The following GNG12 variants were observed in gnomAD, a reference collection of about 807,000 sequenced individuals.
GNG12 encodes the protein G protein subunit gamma 12, also known as guanine nucleotide-binding protein G(I)/G(S)/G(O) subunit gamma-12.
For synonymous variants in GNG12, 28 were observed against 29.7 expected, an observed-to-expected ratio of 0.94 and a Z score of 0.19; for missense variants, 69 against 83.8, an observed-to-expected ratio of 0.82 and a Z score of 0.69.
Position 67,833,375 on chromosome 1 carries a change from G to A in GNG12, c.-108C>T. 4.1e-6 allele frequency: 4 copies of A among 985,418 alleles called. No homozygotes were observed. Among genetic ancestry groups the A allele is most frequent in the Non-Finnish European group, 3.6e-6 (3 of 829,992 alleles). The allele number at this position is 985,418 out of a possible 1,614,324, so 61.0% of individuals were successfully genotyped here. A position where few individuals can be genotyped will look rare whatever the true frequency, so the allele number is the denominator to read the frequency against. ...GCCGGTGCGCTGCCCCGCCGTCGCCGCCGGGACTCGGTCTCTAAGGGCTCC... is the reference window on the plus strand; with the variant it reads ...GCCGGTGCGCTGCCCCGCCGTCGCCACCGGGACTCGGTCTCTAAGGGCTCC... On this transcript the variant is annotated 5_prime_UTR_variant, in exon 1 of 4. Transcript: ENST00000370982.
chr1:67,826,849 C>G (rs967730119), intron 1 of GNG12, among the ~76,000 whole-genome samples: 1 of 152,144 alleles, frequency 6.6e-6, no homozygotes, highest in Non-Finnish European at 1.5e-5. Context: ...TTTATCCCCC[C>G]AAAACAACAC....
At chr1:67,763,090 G>GGAGAGAGAGAGAGAGA (rs71064962) in intron 2 of GNG12, among the ~76,000 whole-genome samples, 12,937 of 116,424 alleles carry the variant, frequency 0.11, 1,000 homozygotes, top group Non-Finnish European at 0.13. Flanking sequence ...TACCCTCCCA[G>GGAGAGAGAGAGAGAGA]GAGAGAGAGA....
chr1:67,709,842 G>GTATATATATTTATATATATATAGTTA (rs1646271430), intron 2 of GNG12, among the ~76,000 whole-genome samples: 1 of 115,368 alleles, frequency 8.7e-6, no homozygotes, highest in Non-Finnish European at 1.7e-5. Context: ...ATATATATTT[G>GTATATATATTTATATATATATAGTTA]TATATATATT....
intron 2 of GNG12, among the ~76,000 whole-genome samples, chr1:67,743,941 G>A (rs943698828): frequency 4.6e-5 from 7 of 152,166 alleles, no homozygotes; most frequent in African/African-American, 9.7e-5. Flanking sequence ...TGCTGAAAAC[G>A]GTTAGTAGAA....
At chr1:67,767,506 GCCT>G (rs1557610665) in intron 2 of GNG12, among the ~76,000 whole-genome samples, 2 of 152,172 alleles carry the variant, frequency 1.3e-5, no homozygotes, top group Non-Finnish European at 2.9e-5. Context: ...TTCAGACTCT[GCCT>G]CCTCCTCCTT....
intron 1 of GNG12, among the ~76,000 whole-genome samples, chr1:67,787,247 G>T (rs1280439980): frequency 1.3e-5 from 2 of 151,970 alleles, no homozygotes; most frequent in Non-Finnish European, 2.9e-5. Flanking sequence ...CAGTGTGGAA[G>T]CTAAACTGTA....
chr1:67,786,102 C>G (rs947544215), intron 1 of GNG12, among the ~76,000 whole-genome samples: 6 of 152,084 alleles, frequency 3.9e-5, no homozygotes, highest in African/African-American at 1.4e-4. Flanking sequence ...ATGAAAACAT[C>G]CAAAATTCAG....
intron 2 of GNG12, among the ~76,000 whole-genome samples, chr1:67,754,562 C>T (rs1162844587): frequency 1.3e-5 from 2 of 152,198 alleles, no homozygotes; most frequent in African/African-American, 2.4e-5. Context: ...CCATGGCTGT[C>T]TAGCTGGTCT....
chr1:67,762,757 A>T lies in GNG12; in HGVS notation c.-27+14701T>A, dbSNP rs540572289. 9.2e-5 allele frequency among the ~76,000 whole-genome samples: 14 copies of T among 152,272 alleles called. No homozygotes were observed. In the East Asian group the frequency reaches 2.7e-3, roughly 29 times the overall value. On this transcript the variant is annotated intron_variant, in intron 2 of 3. Coordinates refer to ENST00000370982, the MANE Select transcript of GNG12 (RefSeq NM_018841.6). ...ATTTAGTGAAAAATTTGTAAAATAT[A>T]ATTAAAGTGAACAGAAGGTAAAAGT...
chr1:67,753,988 C>G (rs682876), intron 2 of GNG12, among the ~76,000 whole-genome samples: 46,479 of 152,058 alleles, frequency 0.31, 10,418 homozygotes, highest in African/African-American at 0.64. Flanking sequence ...ACACGGGCTG[C>G]TGTTGTCATT....
chr1:67,784,588 T>C (rs1475249576), intron 1 of GNG12, among the ~76,000 whole-genome samples: 2 of 152,190 alleles, frequency 1.3e-5, no homozygotes, highest in African/African-American at 4.8e-5. Context: ...TGTTTATTAA[T>C]GGTGTGTCAC....
chr1:67,830,036 G>A (rs911412506), intron 1 of GNG12, among the ~76,000 whole-genome samples: 3 of 96,792 alleles, frequency 3.1e-5, no homozygotes, highest in Admixed American at 1.3e-4. Context: ...CAGAGTTTTT[G>A]CTCTTGTTGC....
At chr1:67,749,517 G>T (rs369134884) in intron 2 of GNG12, among the ~76,000 whole-genome samples, 1 of 152,146 alleles carries the variant, frequency 6.6e-6, no homozygotes, top group Non-Finnish European at 1.5e-5. Context: ...ATAGTAACAC[G>T]GATTCAGTGC....
At chr1:67,754,934 C>A (rs1403726031) in intron 2 of GNG12, among the ~76,000 whole-genome samples, 9 of 152,208 alleles carry the variant, frequency 5.9e-5, no homozygotes, top group Non-Finnish European at 8.8e-5. Flanking sequence ...GAAGGTAAAT[C>A]CAGATTGGTC....
At chr1:67,777,359 C>T (rs1378538752) in intron 2 of GNG12, 99 bp downstream of exon 2, 1 of 161,442 alleles carries the variant, frequency 6.2e-6, no homozygotes, top group Non-Finnish European at 1.3e-5. Context: ...ATAGACATCT[C>T]ATCATAGCAC....
chr1:67,822,015 A>G (rs1241883638), intron 1 of GNG12, among the ~76,000 whole-genome samples: 1 of 151,172 alleles, frequency 6.6e-6, no homozygotes, highest in African/African-American at 2.4e-5. Flanking sequence ...CTGGAAGGGG[A>G]AGAATTGTCT....
chr1:67,753,483 T>G (rs192717420), intron 2 of GNG12, among the ~76,000 whole-genome samples: 1 of 152,302 alleles, frequency 6.6e-6, no homozygotes, highest in East Asian at 1.9e-4. Flanking sequence ...GTCCTGCGAC[T>G]GGAGGAAATT....
At chr1:67,776,832 G>A (rs1442331812) in intron 2 of GNG12, among the ~76,000 whole-genome samples, 1 of 152,156 alleles carries the variant, frequency 6.6e-6, no homozygotes, top group Non-Finnish European at 1.5e-5. Context: ...GGGGTGGTTT[G>A]TTATGCAGCA....
intron 1 of GNG12, among the ~76,000 whole-genome samples, chr1:67,822,898 A>G (rs1158932776): frequency 6.6e-6 from 1 of 152,178 alleles, no homozygotes; most frequent in Non-Finnish European, 1.5e-5. Context: ...AATTAATTTT[A>G]TATTAAAATA....
Sources: gnomAD v4.1 joint callset for allele counts (sites outside exome capture counted in the v4.1 genomes callset) on GRCh38, gnomAD v4.1.1 for gene constraint, MANE v1.5 for transcripts, NCBI Gene and HGNC (gene_info 2026-07-23, HGNC 2026-07-21) for gene names.